SRFBP1: variants seen among roughly 807,000 people sequenced by gnomAD.
SRFBP1 encodes serum response factor binding protein 1.
In SRFBP1, 47 loss-of-function variants were observed where a neutral mutation model predicts 45.5. The ratio of observed to expected loss-of-function variants is 1.03; its 90% CI spans 0.82 to 1.32. The LOEUF (loss-of-function observed/expected upper bound fraction) is 1.32. Ranked by LOEUF, SRFBP1 falls within the 40% of genes most tolerant of loss-of-function variation. SRFBP1 has a pLI of 0.00. For synonymous variants in SRFBP1, 203 were observed against 166.3 expected, an observed-to-expected ratio of 1.22 and a Z score of -1.70; for missense variants, 621 against 484.6, an observed-to-expected ratio of 1.28 and a Z score of -2.64.
chr5:122,026,396 T>C (rs1349540105), intron 7 of SRFBP1, among the ~76,000 whole-genome samples: 1 of 152,256 alleles, frequency 6.6e-6, no homozygotes, highest in Non-Finnish European at 1.5e-5. Flanking sequence ...TTGTCTTATA[T>C]TCTTGAGTAG....
At chr5:121,963,434 C>T (rs920963958) in intron 1 of SRFBP1, among the ~76,000 whole-genome samples, 10 of 152,056 alleles carry the variant, frequency 6.6e-5, no homozygotes, top group African/African-American at 2.4e-4. Flanking sequence ...AGAGTAATGT[C>T]CCTGGGATTT....
chr5:121,974,371 A>T (rs536039865), intron 2 of SRFBP1, 87 bp downstream of exon 2: 34 of 912,258 alleles, frequency 3.7e-5, no homozygotes, highest in Admixed American at 1.9e-4. Context: ...AGGGTGGGAT[A>T]TAGAGAAGTA....
chr5:121,987,883 T>G (rs1423134449), intron 3 of SRFBP1, among the ~76,000 whole-genome samples: 1 of 152,200 alleles, frequency 6.6e-6, no homozygotes, highest in Non-Finnish European at 1.5e-5. Flanking sequence ...CTTTCCCTGC[T>G]TAACCAGAGG....
chr5:122,040,467 A>G (rs78154765), intron 2 of SRFBP1, among the ~76,000 whole-genome samples: 6,734 of 152,266 alleles, frequency 0.044, 176 homozygotes, highest in African/African-American at 0.06. Flanking sequence ...AATTAAAAGG[A>G]TGTTTTTCAG....
chr5:122,003,132 C>G (rs920747755), intron 4 of SRFBP1, among the ~76,000 whole-genome samples: 1 of 152,148 alleles, frequency 6.6e-6, no homozygotes. Flanking sequence ...CACTTGAGCC[C>G]CGGAGTTCAA....
At chr5:121,993,924 G>T (rs2112674217) in intron 3 of SRFBP1, among the ~76,000 whole-genome samples, 2 of 151,850 alleles carry the variant, frequency 1.3e-5, no homozygotes, top group East Asian at 3.9e-4. Context: ...ATTGTGACCG[G>T]AGATTGTTGC....
chr5:121,973,616 G>T (rs1236470580), intron 1 of SRFBP1, among the ~76,000 whole-genome samples: 1 of 133,906 alleles, frequency 7.5e-6, no homozygotes, highest in Non-Finnish European at 1.6e-5. Context: ...ATGTGTGTGT[G>T]GGGGGGGGGC....
intron 2 of SRFBP1, chr5:122,065,621 ATG>A (rs1754277671): frequency 6.6e-6 from 1 of 152,002 alleles, no homozygotes; most frequent in Non-Finnish European, 1.5e-5. Context: ...ACACACACAC[ATG>A]TGTGACTGAT....
chr5:121,965,752 T>A (rs961535659), intron 1 of SRFBP1, among the ~76,000 whole-genome samples: 1 of 152,234 alleles, frequency 6.6e-6, no homozygotes, highest in African/African-American at 2.4e-5. Flanking sequence ...TTGATGGGGA[T>A]AGCTTTAAAT....
intron 3 of SRFBP1, among the ~76,000 whole-genome samples, chr5:121,975,806 G>C (rs1053705553): frequency 3.3e-5 from 5 of 151,704 alleles, no homozygotes; most frequent in African/African-American, 1.2e-4. Context: ...TTATGTATTG[G>C]TATCGGCATT....
At chr5:122,043,225 T>A (rs1169840275) in intron 2 of SRFBP1, among the ~76,000 whole-genome samples, 1 of 152,130 alleles carries the variant, frequency 6.6e-6, no homozygotes, top group Admixed American at 6.5e-5. Flanking sequence ...TTTCTTTTTT[T>A]TCTTTTTCGA....
At chr5:122,026,879 A>G in intron 7 of SRFBP1, 63 bp from the exon 8 acceptor site, 1 of 1,105,960 alleles carries the variant, frequency 9.0e-7, no homozygotes, top group South Asian at 2.7e-5. Context: ...AAAAGATGAA[A>G]TTTACTTCTC....
In SRFBP1 at chr5:122,020,709, A is replaced by C; in HGVS notation, c.974A>C (p.Asp325Ala). 1 of 1,612,862 alleles carries C rather than the reference A, an allele frequency of 6.2e-7. No homozygotes were observed. Among genetic ancestry groups the C allele is most frequent in the Non-Finnish European group, 8.5e-7 (1 of 1,179,720 alleles). Residue 325 changes from aspartate to alanine, a missense_variant, in exon 6 of 8, where the codon GAT becomes GCT. Asp to Ala is a moderately radical substitution (Grantham distance 126). Transcript: ENST00000339397. ...GAAGATACAGGTGAAACTCATGGGGATACAAGAAATGACAAAATCAAGCCA... is the reference window on the plus strand; with the variant it reads ...GAAGATACAGGTGAAACTCATGGGGCTACAAGAAATGACAAAATCAAGCCA... ...LKEDTGETHG[D>A]TRNDKIKPST...
At chr5:122,053,683 A>T (rs1169587338) in intron 2 of SRFBP1, among the ~76,000 whole-genome samples, 1 of 151,002 alleles carries the variant, frequency 6.6e-6, no homozygotes, top group Non-Finnish European at 1.5e-5. Flanking sequence ...ACCAGTGGTG[A>T]GGATGGGTGG....
chr5:122,028,663 A>G (rs1753539457), downstream of SRFBP1: 1 of 152,010 alleles, frequency 6.6e-6, no homozygotes, highest in East Asian at 1.9e-4. Context: ...ATGCAGAGAG[A>G]AAATTATTTT....
At chr5:122,074,723 C>T (rs1754565521) in intron 2 of SRFBP1, among the ~76,000 whole-genome samples, 1 of 152,060 alleles carries the variant, frequency 6.6e-6, no homozygotes, top group South Asian at 2.1e-4. Context: ...AATTAAGGGA[C>T]TTATATCTAC....
At chr5:122,024,446 A>T (rs1753426467) in intron 7 of SRFBP1, among the ~76,000 whole-genome samples, 1 of 152,220 alleles carries the variant, frequency 6.6e-6, no homozygotes, top group Non-Finnish European at 1.5e-5. Context: ...GTCATCTATC[A>T]GTCTGTCTGC....
intron 1 of SRFBP1, among the ~76,000 whole-genome samples, chr5:121,972,149 G>A (rs1421284617): frequency 1.3e-5 from 2 of 151,934 alleles, no homozygotes; most frequent in African/African-American, 4.8e-5. Context: ...CAATGCTATG[G>A]TAAAGGGATA....
At chr5:121,967,330 TA>T (rs1405283654) in intron 1 of SRFBP1, among the ~76,000 whole-genome samples, 1 of 152,172 alleles carries the variant, frequency 6.6e-6, no homozygotes, top group African/African-American at 2.4e-5. Flanking sequence ...AATATTAAAT[TA>T]GGGCATTTCC....
Sources: allele counts gnomAD v4.1 joint callset (sites outside exome capture counted in the v4.1 genomes callset), GRCh38; gene constraint gnomAD v4.1.1; transcripts MANE v1.5; gene names NCBI Gene and HGNC (gene_info 2026-07-23, HGNC 2026-07-21).